MAP3K2: variants seen among roughly 807,000 people sequenced by gnomAD.
MAP3K2 encodes the protein MAP/ERK kinase kinase 2.
MAP3K2 carries 24 observed loss-of-function variants against 80.3 expected under a neutral mutation model. That is an observed-to-expected ratio of 0.30 (90% confidence interval 0.22 to 0.42). The LOEUF is 0.42. Ranked by LOEUF, MAP3K2 falls within the 10% of genes least tolerant of loss-of-function variation. The pLI is 1.00. For synonymous variants in MAP3K2, 244 were observed against 253.7 expected (o/e 0.96, Z 0.36); for missense variants, 608 against 750.1 (o/e 0.81, Z 2.21).
chr2:127,388,258 T>C, upstream of MAP3K2: 3 of 984,836 alleles, frequency 3.0e-6, no homozygotes, highest in Non-Finnish European at 3.6e-6. Flanking sequence ...CTGGGTTGTC[T>C]CGAGCCTGCG....
chr2:127,315,095 G>A (rs1339516915), intron 14 of MAP3K2, among the ~76,000 whole-genome samples: 4 of 152,144 alleles, frequency 2.6e-5, no homozygotes, highest in Non-Finnish European at 5.9e-5. Context: ...GGTGTAACTA[G>A]AAAGAACACA....
chr2:127,352,165 C>T (rs1321774813), intron 1 of MAP3K2, among the ~76,000 whole-genome samples: 1 of 152,074 alleles, frequency 6.6e-6, no homozygotes, highest in Non-Finnish European at 1.5e-5. Context: ...CCGTGAGCCA[C>T]CATGCCTGGC....
chr2:127,341,828 G>A (rs1420835459), intron 2 of MAP3K2, among the ~76,000 whole-genome samples: 5 of 152,002 alleles, frequency 3.3e-5, no homozygotes, highest in South Asian at 2.1e-4. Flanking sequence ...CACCACGCCC[G>A]GCCCAATGGG....
rs760113323 is a variant in MAP3K2 at position 127,318,734 on chromosome 2, T to C, written c.1046-417A>G. ...ATTCCCATCCAAACAACAAGAGAAA[T>C]CTGGGTAATCTACAAAATTTAACTT... On this transcript the variant is annotated intron_variant, in intron 12 of 16. Coordinates refer to ENST00000682094, the MANE Select transcript of MAP3K2 (RefSeq NM_001371910.2). 3.2e-4 allele frequency among the ~76,000 whole-genome samples: 49 copies of C among 152,182 alleles called. 1 individual carries two copies. The highest frequency in any genetic ancestry group is 6.5e-4 in the Admixed American group (10 of 15,280).
chr2:127,300,001 T>C lies in MAP3K2; in HGVS notation c.*7578A>G, dbSNP rs1299914349. 1.3e-5 allele frequency: 2 copies of C among 152,110 alleles called. No homozygotes were observed. Among genetic ancestry groups the C allele is most frequent in the Non-Finnish European group, 2.9e-5 (2 of 67,974 alleles). 9.4% of individuals were successfully genotyped at this position (152,110 alleles called of 1,614,324 possible). A position where few individuals can be genotyped will look rare whatever the true frequency, so the allele number is the denominator to read the frequency against. On this transcript the variant is annotated 3_prime_UTR_variant, in exon 17 of 17. Coordinates refer to ENST00000682094, the MANE Select transcript of MAP3K2 (RefSeq NM_001371910.2). ...CTGATACACAGTTAAAAGCATACTT[T>C]CAACTTAGTAATGGATTTTATAATA...
intron 7 of MAP3K2, 59 bp downstream of exon 7, chr2:127,329,862 A>C (rs761233338): frequency 5.3e-6 from 5 of 948,058 alleles, no homozygotes; most frequent in Non-Finnish European, 6.9e-6. Context: ...CACTACATTA[A>C]AGGATGGAGA....
chr2:127,342,507 G>C (rs1686515416), intron 2 of MAP3K2, among the ~76,000 whole-genome samples: 1 of 151,950 alleles, frequency 6.6e-6, no homozygotes, highest in Non-Finnish European at 1.5e-5. Flanking sequence ...CCCAGGATCA[G>C]TCTAAGTTTC....
At chr2:127,329,072 G>A (rs1360752897) in intron 7 of MAP3K2, among the ~76,000 whole-genome samples, 2 of 152,174 alleles carry the variant, frequency 1.3e-5, no homozygotes, top group South Asian at 2.1e-4. Flanking sequence ...GAGAGTACCT[G>A]TGTCAAACTC....
chr2:127,372,480 A>C (rs1687082203), intron 1 of MAP3K2, among the ~76,000 whole-genome samples: 3 of 152,214 alleles, frequency 2.0e-5, no homozygotes, highest in Admixed American at 2.0e-4. Flanking sequence ...AACTAGCCAG[A>C]AACTTGTCCT....
intron 1 of MAP3K2, among the ~76,000 whole-genome samples, chr2:127,383,894 G>C (rs1238401282): frequency 1.6e-5 from 2 of 125,152 alleles, no homozygotes; most frequent in Admixed American, 8.5e-5. Flanking sequence ...TTTTTTTTGA[G>C]ATGGAGTCTC....
At chr2:127,315,255 T>A (rs1301599268) in intron 14 of MAP3K2, among the ~76,000 whole-genome samples, 4 of 152,238 alleles carry the variant, frequency 2.6e-5, no homozygotes, top group Non-Finnish European at 4.4e-5. Context: ...AAGTGAGGAA[T>A]AGGTATTTGA....
chr2:127,340,831 A>C (rs1207486205), intron 2 of MAP3K2, among the ~76,000 whole-genome samples: 1 of 152,082 alleles, frequency 6.6e-6, no homozygotes, highest in Non-Finnish European at 1.5e-5. Flanking sequence ...GTGGGAACTT[A>C]AATCTATCTA....
intron 1 of MAP3K2, among the ~76,000 whole-genome samples, chr2:127,353,137 G>C (rs1056360121): frequency 6.6e-6 from 1 of 151,998 alleles, no homozygotes; most frequent in African/African-American, 2.4e-5. Flanking sequence ...TGGGAAGTGA[G>C]GAGCGTCTCT....
intron 15 of MAP3K2, among the ~76,000 whole-genome samples, chr2:127,311,542 T>C (rs940021319): frequency 1.4e-4 from 21 of 152,238 alleles, no homozygotes; most frequent in Middle Eastern, 3.4e-3. Context: ...TAAGGAGACT[T>C]TTCAGACATA....
At chr2:127,328,289 A>G (rs1686184417) in intron 7 of MAP3K2, among the ~76,000 whole-genome samples, 1 of 152,194 alleles carries the variant, frequency 6.6e-6, no homozygotes, top group Non-Finnish European at 1.5e-5. Context: ...AATAAATAAA[A>G]TAAAGTGAAT....
chr2:127,377,594 T>C (rs1687172832), intron 1 of MAP3K2, among the ~76,000 whole-genome samples: 1 of 152,236 alleles, frequency 6.6e-6, no homozygotes, highest in African/African-American at 2.4e-5. Context: ...CTGCACTATG[T>C]GACTCTGAGC....
intron 1 of MAP3K2, among the ~76,000 whole-genome samples, chr2:127,353,311 GC>G (rs1195962482): frequency 1.3e-5 from 2 of 151,220 alleles, no homozygotes; most frequent in South Asian, 2.1e-4. Flanking sequence ...CTGCCCCGCC[GC>G]CCCGTCTGGG....
At chr2:127,388,019 CGCGCACCCCTCCGCCCGGCGGTA>C (rs1687408178), upstream of MAP3K2, 5 of 983,500 alleles carry the variant, frequency 5.1e-6, no homozygotes, top group Non-Finnish European at 6.0e-6. Flanking sequence ...CGCTCGTGCG[CGCGCACCCCTCCGCCCGGCGGTA>C]GCGGAACCCG....
chr2:127,337,990 C>A (rs1315928915), intron 3 of MAP3K2, among the ~76,000 whole-genome samples: 1 of 152,142 alleles, frequency 6.6e-6, no homozygotes, highest in Non-Finnish European at 1.5e-5. Context: ...CTGGGCTCAA[C>A]AGGAAAGAAC....
Sources: gnomAD v4.1 joint callset for allele counts (sites outside exome capture counted in the v4.1 genomes callset) on GRCh38, gnomAD v4.1.1 for gene constraint, MANE v1.5 for transcripts, NCBI Gene and HGNC (gene_info 2026-07-23, HGNC 2026-07-21) for gene names.